The following ZNF772 variants were observed in gnomAD, a reference collection of about 807,000 sequenced individuals.
ZNF772 encodes the protein zinc finger protein 772.
Under a neutral mutation model 11.0 loss-of-function variants are expected in ZNF772, and 8 were observed. That is an observed-to-expected ratio of 0.73 (90% CI 0.43 to 1.31). The LOEUF (loss-of-function observed/expected upper bound fraction) is 1.31, where lower values mean the gene tolerates loss of function less well. Ranked by LOEUF, ZNF772 falls within the 50% of genes most tolerant of loss-of-function variation. The pLI is 0.01. For synonymous variants in ZNF772, 155 were observed against 180.4 expected, an observed-to-expected ratio of 0.86 and a Z score of 1.13; for missense variants, 496 against 552.3, an observed-to-expected ratio of 0.90 and a Z score of 1.02.
rs1356389900 is a variant in ZNF772 at position 57,475,306 on chromosome 19, G to A, written c.199+354C>T. Among the ~76,000 whole-genome samples, 1 of 152,230 alleles carries A rather than the reference G, an allele frequency of 6.6e-6. No individual in the cohort carries two copies. The highest frequency in any genetic ancestry group is 2.4e-5 in the African/African-American group (1 of 41,462). ...AATTCCTGACATAGGCAGGCCACAG[G>A]AAATGTCAGCTAAAGGAAGAGCGCA... On this transcript the variant is annotated intron_variant, in intron 3 of 3. Coordinates refer to ENST00000356584, the MANE Select transcript of ZNF772 (RefSeq NM_001144068.2). The surrounding 1 kb of genome is among the most constrained non-coding windows in gnomAD (Gnocchi z 4.2).
Position 57,473,723 on chromosome 19 carries a change from G to T in ZNF772, c.898C>A (p.Gln300Lys). The T allele has an allele frequency of 6.2e-7, 1 of 1,614,142 alleles. No individual in the cohort carries two copies. Among genetic ancestry groups the T allele is most frequent in the Non-Finnish European group, 8.5e-7 (1 of 1,180,018 alleles). ...FNHSSNLIVH[Q>K]RVHTGARPYK... ...GGCCTTGCTCCAGTGTGTACTCTTT[G>T]ATGTACAATAAGGTTAGAGCTATGA... Residue 300 changes from glutamine (Q) to lysine (K), a missense_variant, in exon 4 of 4, where the codon CAA becomes AAA. Physicochemically the swap from Gln to Lys is moderately conservative, Grantham distance 53. Coordinates refer to ENST00000356584, the MANE Select transcript of ZNF772 (RefSeq NM_001144068.2).
Position 57,475,620 on chromosome 19 carries a change from G to A in ZNF772, c.199+40C>T. The A allele has an allele frequency of 2.5e-6, 4 of 1,613,014 alleles. No homozygotes were observed. Among genetic ancestry groups the A allele is most frequent in the Non-Finnish European group, 3.4e-6 (4 of 1,179,256 alleles). ...GCCCTGAAAAAAAGGGGAAGGGCAG[G>A]ACCCAGTCCAAGTCACTGGGGTGGA... On this transcript the variant is annotated intron_variant, in intron 3 of 3. Coordinates refer to ENST00000356584, the MANE Select transcript of ZNF772 (RefSeq NM_001144068.2). This position sits in a 1 kb window ranked among gnomAD's most constrained non-coding sequence, Gnocchi z 4.2.
At position 57,472,660 on chromosome 19, in the gene ZNF772, C is replaced by G. The variant is rs1488233747; in HGVS notation, c.*614G>C. ...AGCTCAATTCTGTTCTCAACCCAAC[C>G]CACAAAGCGAACAGAATCCTCAAGA... On this transcript the variant is annotated 3_prime_UTR_variant, in exon 4 of 4. Coordinates refer to ENST00000356584, the MANE Select transcript of ZNF772 (RefSeq NM_001144068.2). 1 of 155,536 alleles carries G rather than the reference C, an allele frequency of 6.4e-6. No homozygotes were observed. Among genetic ancestry groups the G allele is most frequent in the Non-Finnish European group, 1.4e-5 (1 of 70,104 alleles). The allele number at this position is 155,536 out of a possible 1,614,324, so 9.6% of individuals were successfully genotyped here.
At chr19:57,474,552 C>G in intron 3 of ZNF772, 131 bp from the exon 4 acceptor site, 1 of 883,186 alleles carries the variant, frequency 1.1e-6, no homozygotes. Context: ...GGTCCAAACT[C>G]AAGTTCAGCA....
intron 2 of ZNF772, chr19:57,476,382 C>CT (rs1364667048): frequency 1.9e-6 from 1 of 530,468 alleles, no homozygotes; most frequent in Non-Finnish European, 3.4e-6. Context: ...AGTCTCACCT[C>CT]TAAGTATTTT....
chr19:57,476,306 G>T, intron 2 of ZNF772: 1 of 379,414 alleles, frequency 2.6e-6, no homozygotes, highest in Non-Finnish European at 4.8e-6. Context: ...GATGATTCCC[G>T]CCCCCTTGCT....
Position 57,469,794 on chromosome 19 carries a change from C to T in ZNF772, c.*3480G>A, listed in dbSNP as rs148496726. 1 of 152,272 alleles carries T rather than the reference C, an allele frequency of 6.6e-6. No homozygotes were observed. The allele number at this position is 152,272 out of a possible 1,614,324, so 9.4% of individuals were successfully genotyped here. On this transcript the variant is annotated 3_prime_UTR_variant, in exon 4 of 4. Transcript: ENST00000356584. ...ATAACATCAACCATTTTTACCTAAT[C>T]AACACTTGTAGAACCCCTTCATCAA...
chr19:57,477,451 T>G lies in ZNF772; in HGVS notation c.-142A>C. On this transcript the variant is annotated 5_prime_UTR_variant, in exon 1 of 4. Transcript: ENST00000356584. ...CCTCTCTTCAGGGAAGAAGACACTC[T>G]CTCACGTTTTCCCTTTTCTGTCACC... The G allele has an allele frequency of 1.3e-6, 1 of 788,614 alleles. No individual in the cohort carries two copies. Among genetic ancestry groups the G allele is most frequent in the Non-Finnish European group, 2.0e-6 (1 of 495,318 alleles). 48.9% of individuals were successfully genotyped at this position (788,614 alleles called of 1,614,324 possible). A position where few individuals can be genotyped will look rare whatever the true frequency, so the allele number is the denominator to read the frequency against.
Position 57,473,795 on chromosome 19 carries a change from T to G in ZNF772, c.826A>C (p.Thr276Pro), listed in dbSNP as rs915769586. The change falls in exon 4 of 4, where the codon ACT (threonine) becomes CCT (proline). Residue 276 changes from threonine to proline, a missense_variant. By Grantham distance (38) the Thr-to-Pro change is conservative. Transcript: ENST00000356584. ...CCACACTCATAAGGCATTTCTCCAGTGTGGATTCTCTGGTGCTGAGCAAGT... is the reference window on the plus strand; with the variant it reads ...CCACACTCATAAGGCATTTCTCCAGGGTGGATTCTCTGGTGCTGAGCAAGT... ...PILAQHQRIHTGEMPYECGIC... is the reference protein window; with the variant it reads ...PILAQHQRIHPGEMPYECGIC... 6.2e-7 allele frequency: 1 copy of G among 1,613,994 alleles called. No homozygotes were observed. Among genetic ancestry groups the G allele is most frequent in the Non-Finnish European group, 8.5e-7 (1 of 1,180,002 alleles).
chr19:57,477,107 C>G (rs2089293255), intron 1 of ZNF772, among the ~76,000 whole-genome samples, 170 bp downstream of exon 1: 1 of 152,254 alleles, frequency 6.6e-6, no homozygotes, highest in South Asian at 2.1e-4. Flanking sequence ...ACTGGTCTCT[C>G]TGCCTGGAAC....
rs118080625 is a variant in ZNF772, at chr19:57,472,668, C to T, written c.*606G>A. On this transcript the variant is annotated 3_prime_UTR_variant, in exon 4 of 4. Coordinates refer to ENST00000356584, the MANE Select transcript of ZNF772 (RefSeq NM_001144068.2). ...TCTGTTCTCAACCCAACCCACAAAG[C>T]GAACAGAATCCTCAAGATTTCAGAT... is the stretch of plus-strand genomic sequence containing the variant. 1.0e-3 allele frequency: 159 copies of T among 155,650 alleles called. No homozygotes were observed. The highest frequency in any genetic ancestry group is 1.9e-3 in the Non-Finnish European group (130 of 70,084). The allele number at this position is 155,650 out of a possible 1,614,324, so 9.6% of individuals were successfully genotyped here.
At position 57,475,069 on chromosome 19, in the gene ZNF772, T is replaced by C; in HGVS notation, c.199+591A>G. On this transcript the variant is annotated intron_variant, in intron 3 of 3. Transcript: ENST00000356584. This position sits in a 1 kb window ranked among gnomAD's most constrained non-coding sequence, Gnocchi z 4.2. ...GTCTCTGTGGCAACAGCTAGGGTCATGTCCACCCAGTCAGGTACCCAGGGC... is the reference window on the plus strand; with the variant it reads ...GTCTCTGTGGCAACAGCTAGGGTCACGTCCACCCAGTCAGGTACCCAGGGC... 6.2e-7 allele frequency: 1 copy of C among 1,614,190 alleles called. No homozygotes were observed. Among genetic ancestry groups the C allele is most frequent in the Non-Finnish European group, 8.5e-7 (1 of 1,180,012 alleles).
chr19:57,473,724 A>T lies in ZNF772; in HGVS notation c.897T>A (p.His299Gln). The T allele has an allele frequency of 6.2e-7, 1 of 1,613,818 alleles. No individual in the cohort carries two copies. Among genetic ancestry groups the T allele is most frequent in the Non-Finnish European group, 8.5e-7 (1 of 1,179,954 alleles). ...VFNHSSNLIV[H>Q]QRVHTGARPY... is the part of the protein sequence containing the mutation. ...GCCTTGCTCCAGTGTGTACTCTTTG[A>T]TGTACAATAAGGTTAGAGCTATGAT... Residue 299 changes from histidine (H) to glutamine (Q), a missense_variant, in exon 4 of 4, where the codon CAT (histidine) becomes CAA (glutamine). By Grantham distance (24) the His-to-Gln change is conservative. Transcript: ENST00000356584.
chr19:57,476,292 T>C, intron 2 of ZNF772: 1 of 370,660 alleles, frequency 2.7e-6, no homozygotes, highest in East Asian at 5.2e-5. Context: ...TTAAGCCATT[T>C]CAGGATGATT....
rs781098749 is a variant in ZNF772, at chr19:57,473,855, C to G, written c.766G>C (p.Gly256Arg). The G allele has an allele frequency of 5.0e-6, 8 of 1,612,492 alleles. No individual in the cohort carries two copies. Among genetic ancestry groups the G allele is most frequent in the African/African-American group, 1.3e-5 (1 of 74,450 alleles). The change falls in exon 4 of 4, where the codon GGT (glycine) becomes CGT (arginine). Residue 256 changes from glycine (G) to arginine (R), a missense_variant. Physicochemically the swap from Gly to Arg is moderately radical, Grantham distance 125. Coordinates refer to ENST00000356584, the MANE Select transcript of ZNF772 (RefSeq NM_001144068.2). The stretch of plus-strand genomic sequence containing the variant: ...CGGCTAAAGGTTTTCCCACATTCAC[C>G]GCACTCATAAGGCCTTTCTCCAGTG... ...VHTGERPYEC[G>R]ECGKTFSRKP...
chr19:57,470,991 G>C lies in ZNF772; in HGVS notation c.*2283C>G, dbSNP rs1050449186. ...GTGACAGACAGACAACACACACACAGACAGATGTACATATAACTTGTACAG... is the reference window on the plus strand; with the variant it reads ...GTGACAGACAGACAACACACACACACACAGATGTACATATAACTTGTACAG... On this transcript the variant is annotated 3_prime_UTR_variant, in exon 4 of 4. Transcript: ENST00000356584. The C allele has an allele frequency of 6.6e-6, 1 of 152,106 alleles. No individual in the cohort carries two copies. Among genetic ancestry groups the C allele is most frequent in the Non-Finnish European group, 1.5e-5 (1 of 68,042 alleles). 9.4% of individuals were successfully genotyped at this position (152,106 alleles called of 1,614,324 possible).
intron 2 of ZNF772, 40 bp downstream of exon 2, chr19:57,476,594 G>A: frequency 6.2e-7 from 1 of 1,606,244 alleles, no homozygotes; most frequent in Middle Eastern, 1.7e-4. Flanking sequence ...CGTATTGGGT[G>A]GGGGTGGGAT....
chr19:57,472,969 G>T lies in ZNF772; in HGVS notation c.*305C>A, dbSNP rs748844675. On this transcript the variant is annotated 3_prime_UTR_variant, in exon 4 of 4. Coordinates refer to ENST00000356584, the MANE Select transcript of ZNF772 (RefSeq NM_001144068.2). ...ATGATTCCCTCCAGGGAAGGGAATAGTACAGAGGTCTGTCTTTTGAAACAC... is the reference window on the plus strand; with the variant it reads ...ATGATTCCCTCCAGGGAAGGGAATATTACAGAGGTCTGTCTTTTGAAACAC... 1 of 398,968 alleles carries T rather than the reference G, an allele frequency of 2.5e-6. No individual in the cohort carries two copies. The allele number at this position is 398,968 out of a possible 1,614,324, so 24.7% of individuals were successfully genotyped here.
Position 57,475,942 on chromosome 19 carries a change from T to C in ZNF772, c.73-156A>G, listed in dbSNP as rs928915350. Among the ~76,000 whole-genome samples the C allele has an allele frequency of 2.0e-5, 3 of 152,218 alleles. No individual in the cohort carries two copies. The highest frequency in any genetic ancestry group is 6.5e-5 in the Admixed American group (1 of 15,286). On this transcript the variant is annotated intron_variant, in intron 2 of 3. Coordinates refer to ENST00000356584, the MANE Select transcript of ZNF772 (RefSeq NM_001144068.2). This position sits in a 1 kb window ranked among gnomAD's most constrained non-coding sequence, Gnocchi z 4.2. ...GTCATTGGTGTCTTCTCTCGCCTCA[T>C]GGTCCCAATGGATCACTGTGTCTAC...
Sources: allele counts gnomAD v4.1 joint callset (sites outside exome capture counted in the v4.1 genomes callset), GRCh38; gene constraint gnomAD v4.1.1; non-coding constraint Gnocchi (gnomAD v3.1); transcripts MANE v1.5; gene names NCBI Gene and HGNC (gene_info 2026-07-23, HGNC 2026-07-21).